PKHD1: variants seen among roughly 807,000 people sequenced by gnomAD.
PKHD1 encodes the protein fibrocystin.
A neutral mutation model predicts 412.0 loss-of-function variants in PKHD1; 291 were observed. The observed-to-expected ratio is 0.71, with a 90% CI of 0.64 to 0.78. PKHD1 has a LOEUF of 0.78. Ranked by LOEUF, PKHD1 falls within the 30% of genes least tolerant of loss-of-function variation. The pLI is 0.00. For missense variants in PKHD1, 4,825 were observed against 4,950.7 expected, an observed-to-expected ratio of 0.97 and a Z score of 0.76; for synonymous variants, 1,777 against 1,821.5, an observed-to-expected ratio of 0.98 and a Z score of 0.62.
intron 60 of PKHD1, among the ~76,000 whole-genome samples, chr6:51,724,377 T>C (rs1261458586): frequency 6.6e-6 from 1 of 152,174 alleles, no homozygotes; most frequent in African/African-American, 2.4e-5. Context: ...TACCACTCTT[T>C]CCTATAAAGA....
chr6:51,839,214 T>C (rs1769752214), intron 50 of PKHD1, among the ~76,000 whole-genome samples: 1 of 152,252 alleles, frequency 6.6e-6, no homozygotes, highest in Non-Finnish European at 1.5e-5. Context: ...CATTTGAGAA[T>C]GAAGGTATTG....
chr6:52,043,234 C>T (rs569271466), intron 26 of PKHD1, 100 bp from the exon 27 acceptor site: 3 of 927,602 alleles, frequency 3.2e-6, no homozygotes, highest in Middle Eastern at 3.3e-4. Flanking sequence ...TCCTTCTCTG[C>T]CCCCATCCCC....
intron 46 of PKHD1, among the ~76,000 whole-genome samples, chr6:51,874,511 T>C (rs1776530385): frequency 6.6e-6 from 1 of 152,182 alleles, no homozygotes; most frequent in African/African-American, 2.4e-5. Context: ...AAAAATTCCT[T>C]CTGATGATAA....
intron 62 of PKHD1, among the ~76,000 whole-genome samples, 189 bp downstream of exon 62, chr6:51,648,896 G>GA (rs1770489720): frequency 6.6e-6 from 1 of 152,184 alleles, no homozygotes; most frequent in South Asian, 2.1e-4. Context: ...AATGTTCAGA[G>GA]AAAATAGAAG....
At chr6:51,823,109 T>G (rs1248755491) in intron 52 of PKHD1, among the ~76,000 whole-genome samples, 17 of 142,964 alleles carry the variant, frequency 1.2e-4, no homozygotes, top group Non-Finnish European at 4.7e-5. Context: ...AAAAAAAAAA[T>G]TATACCTATT....
At chr6:51,824,495 T>G (rs562757663) in intron 52 of PKHD1, among the ~76,000 whole-genome samples, 7 of 152,056 alleles carry the variant, frequency 4.6e-5, no homozygotes, top group African/African-American at 1.7e-4. Flanking sequence ...TTCACTAAGG[T>G]CTATGATTCT....
chr6:51,804,958 G>GA (rs34270226), intron 52 of PKHD1, among the ~76,000 whole-genome samples: 79,957 of 152,002 alleles, frequency 0.53, 21,367 homozygotes, highest in East Asian at 0.68. Context: ...AGCCACTGTG[G>GA]AAAAAAGTTT....
intron 46 of PKHD1, among the ~76,000 whole-genome samples, chr6:51,878,607 C>T (rs574462280): frequency 0.012 from 472 of 38,986 alleles, 170 homozygotes; most frequent in African/African-American, 0.053. Context: ...ATTGATGGGA[C>T]GTATTTCAAA....
intron 26 of PKHD1, 120 bp from the exon 27 acceptor site, chr6:52,043,254 T>C (rs1805225810): frequency 3.9e-6 from 3 of 768,150 alleles, no homozygotes; most frequent in South Asian, 3.6e-5. Context: ...CTCCCAAAAT[T>C]CAAGGAGCTG....
rs531781148 is a variant in PKHD1 at position 51,658,802 on chromosome 6, G to T, written c.11174+150C>A. On this transcript the variant is annotated intron_variant, in intron 61 of 66. Coordinates refer to ENST00000371117, the MANE Select transcript of PKHD1 (RefSeq NM_138694.4). ...TAGAATCTAAAAACTAAGAATTTAA[G>T]TCTTTAAATGACTCTTTGAATTTTT... 1.8e-4 allele frequency: 111 copies of T among 627,194 alleles called. No homozygotes were observed. The African/African-American group carries it at 1.9e-3, about 11-fold the overall frequency. The allele number at this position is 627,194 out of a possible 1,614,324, so 38.9% of individuals were successfully genotyped here.
At chr6:51,689,799 GA>G (rs1022963634) in intron 60 of PKHD1, among the ~76,000 whole-genome samples, 3 of 152,126 alleles carry the variant, frequency 2.0e-5, no homozygotes, top group Admixed American at 1.3e-4. Flanking sequence ...GGGGGTGAAA[GA>G]TTTTTTTATC....
At chr6:51,727,590 C>G (rs1303284789) in intron 60 of PKHD1, among the ~76,000 whole-genome samples, 1 of 152,158 alleles carries the variant, frequency 6.6e-6, no homozygotes, top group African/African-American at 2.4e-5. Context: ...GGTGGTCTGC[C>G]CACATATGCA....
At chr6:51,774,417 A>G (rs929680291) in intron 54 of PKHD1, among the ~76,000 whole-genome samples, 3 of 152,020 alleles carry the variant, frequency 2.0e-5, no homozygotes, top group Non-Finnish European at 4.4e-5. Flanking sequence ...TAGTCCTAAC[A>G]GAAAGTTTGT....
chr6:51,975,021 G>T (rs1794188501), intron 35 of PKHD1, among the ~76,000 whole-genome samples: 1 of 151,752 alleles, frequency 6.6e-6, no homozygotes, highest in Admixed American at 6.6e-5. Flanking sequence ...CTCCAGAATA[G>T]TGAGAAAATA....
At chr6:51,975,963 T>TGAAAAAAAAAAAAAAAAAAAAAAAA (rs1231391714) in intron 35 of PKHD1, 2 of 69,766 alleles carry the variant, frequency 2.9e-5, no homozygotes, top group African/African-American at 1.1e-4. Flanking sequence ...TTTCTCTAAT[T>TGAAAAAAAAAAAAAAAAAAAAAAAA]AAAAAAAAAA....
chr6:51,910,455 A>T (rs1162060025), intron 39 of PKHD1, among the ~76,000 whole-genome samples: 1 of 152,142 alleles, frequency 6.6e-6, no homozygotes, highest in Non-Finnish European at 1.5e-5. Context: ...CTGATCCATA[A>T]GATTTTCAAA....
intron 52 of PKHD1, among the ~76,000 whole-genome samples, chr6:51,811,144 A>T (rs1764622064): frequency 6.6e-6 from 1 of 152,152 alleles, no homozygotes; most frequent in Non-Finnish European, 1.5e-5. Flanking sequence ...CCAGGTTCTG[A>T]AAGAGTTTAT....
chr6:51,833,719 G>C (rs976271578), intron 51 of PKHD1, among the ~76,000 whole-genome samples: 5 of 152,134 alleles, frequency 3.3e-5, no homozygotes, highest in African/African-American at 1.2e-4. Flanking sequence ...AGTGGTCCCA[G>C]TTGAGTGGTT....
At chr6:51,752,341 A>G (rs903872405) in intron 57 of PKHD1, among the ~76,000 whole-genome samples, 8 of 152,182 alleles carry the variant, frequency 5.3e-5, no homozygotes, top group African/African-American at 1.9e-4. Context: ...AAGTTGTGAC[A>G]AGTAAAAATG....
Sources: gnomAD v4.1 joint callset for allele counts (sites outside exome capture counted in the v4.1 genomes callset) on GRCh38, gnomAD v4.1.1 for gene constraint, MANE v1.5 for transcripts, NCBI Gene and HGNC (gene_info 2026-07-23, HGNC 2026-07-21) for gene names.